The following RENBP variants were observed in gnomAD, a reference collection of about 807,000 sequenced individuals.
RENBP encodes renin binding protein, also known as N-acylglucosamine 2-epimerase.
Under a neutral mutation model 37.8 loss-of-function variants are expected in RENBP, and 16 were observed. The ratio of observed to expected loss-of-function variants is 0.42; its 90% CI spans 0.29 to 0.64. RENBP has a LOEUF of 0.64. RENBP is among the 30% of genes least tolerant of loss of function. The probability of loss-of-function intolerance (pLI) is 0.19; values close to 1 mark genes in which losing one functional copy is unlikely to be tolerated. For synonymous variants in RENBP, 170 were observed against 154.8 expected (o/e 1.10, Z -0.73); for missense variants, 347 against 379.5 (o/e 0.91, Z 0.71).
chrX:153,942,044 A>G lies in RENBP; in HGVS notation c.688-13T>C. 1.7e-6 allele frequency: 2 copies of G among 1,171,097 alleles called. No individual in the cohort carries two copies. Among genetic ancestry groups the G allele is most frequent in the Non-Finnish European group, 2.3e-6 (2 of 864,101 alleles). On this transcript the variant is annotated splice_polypyrimidine_tract_variant and intron_variant, in intron 6 of 10. Coordinates refer to ENST00000393700, the MANE Select transcript of RENBP (RefSeq NM_002910.6). ...CTTGTCCATCCCTCTACCGGGAAGGAGCAGAAGGGAATGTTGCCTCCAGCC... is the reference window on the plus strand; with the variant it reads ...CTTGTCCATCCCTCTACCGGGAAGGGGCAGAAGGGAATGTTGCCTCCAGCC...
In RENBP at chrX:153,935,409, G is replaced by A; in HGVS notation, c.1166-5C>T. On this transcript the variant is annotated splice_region_variant and splice_polypyrimidine_tract_variant and intron_variant, in intron 10 of 10. Coordinates refer to ENST00000393700, the MANE Select transcript of RENBP (RefSeq NM_002910.6). Reference sequence around the variant, plus strand: ...ACCGCGGCACGTGGAAGCAGCCTGCGGGTAGAGGCGGGCAGGTAGTGAGGG... The same window carrying A: ...ACCGCGGCACGTGGAAGCAGCCTGCAGGTAGAGGCGGGCAGGTAGTGAGGG... The A allele has an allele frequency of 8.7e-7, 1 of 1,142,889 alleles. No homozygotes were observed. Among genetic ancestry groups the A allele is most frequent in the East Asian group, 3.1e-5 (1 of 32,563 alleles). The allele number at this position is 1,142,889 out of a possible 1,213,427, so 94.2% of individuals were successfully genotyped here.
Position 153,942,012 on chromosome X carries a change from A to C in RENBP, c.707T>G (p.Leu236Arg), listed in dbSNP as rs1603292195. Residue 236 changes from leucine to arginine, a missense_variant, in exon 7 of 11, where the codon CTG becomes CGG. Transcript: ENST00000393700. ...QHVQRDGQAV[L>R]ENVSEGGKEL... is the part of the protein sequence containing the mutation. The stretch of plus-strand genomic sequence containing the variant: ...CTTGCCACCCTCTGACACATTCTCC[A>C]GCACAGCTTGTCCATCCCTCTACCG... 8.4e-7 allele frequency: 1 copy of C among 1,185,472 alleles called. No homozygotes were observed. Among genetic ancestry groups the C allele is most frequent in the Non-Finnish European group, 1.1e-6 (1 of 883,950 alleles).
In RENBP at chrX:153,935,470, C is replaced by T. The variant is rs1278253415; in HGVS notation, c.1165+19G>A. Reference sequence around the variant, plus strand: ...CCGAGAGGCGCAACCCCTGCGGCCCCGCCCTCTCCCCCACTCACCTTTGAA... The same window carrying T: ...CCGAGAGGCGCAACCCCTGCGGCCCTGCCCTCTCCCCCACTCACCTTTGAA... On this transcript the variant is annotated intron_variant, in intron 10 of 10. Transcript: ENST00000393700. 43 of 1,183,953 alleles carry T rather than the reference C, an allele frequency of 3.6e-5. No individual in the cohort carries two copies. The highest frequency in any genetic ancestry group is 4.3e-5 in the Non-Finnish European group (38 of 873,807).
chrX:153,939,759 C>T (rs1298319996), intron 9 of RENBP, among the ~76,000 whole-genome samples: 1 of 109,987 alleles, frequency 9.1e-6, no homozygotes, highest in Non-Finnish European at 1.9e-5. Context: ...GTCCCTCAGA[C>T]ACACCCCTGA....
rs782345922 is a variant in RENBP, at chrX:153,943,733, G to A, written c.290-15C>T. ...GAACTCACCACCTGGAGGTTGGGGG[G>A]TTGGCATGCCAGGGGTAAGGCCAGG... is the stretch of plus-strand genomic sequence containing the variant. On this transcript the variant is annotated splice_polypyrimidine_tract_variant and intron_variant, in intron 4 of 10. Coordinates refer to ENST00000393700, the MANE Select transcript of RENBP (RefSeq NM_002910.6). 7.5e-6 allele frequency: 9 copies of A among 1,204,841 alleles called. No homozygotes were observed. The East Asian group carries it at 1.2e-4, about 16-fold the overall frequency.
At chrX:153,936,416 G>T (rs1426636826) in intron 9 of RENBP, among the ~76,000 whole-genome samples, 2 of 102,512 alleles carry the variant, frequency 2.0e-5, no homozygotes, top group African/African-American at 7.3e-5. Context: ...TGAGGCAGGA[G>T]AATGGCGTGA....
Position 153,944,115 on chromosome X carries a change from C to G in RENBP, c.178G>C (p.Asp60His). Residue 60 changes from aspartate to histidine, a missense_variant, in exon 3 of 11, where the codon GAT becomes CAT. Asp to His is a moderately conservative substitution (Grantham distance 81). Transcript: ENST00000393700. ...TGCAGCCACACATACTTGAGGTCATCATACACCCGCCCCTCGCGGCCAAGG... is the reference window on the plus strand; with the variant it reads ...TGCAGCCACACATACTTGAGGTCATGATACACCCGCCCCTCGCGGCCAAGG... ...TCLGREGRVY[D>H]DLKYVWLQGR... 3 of 1,211,054 alleles carry G rather than the reference C, an allele frequency of 2.5e-6. No individual in the cohort carries two copies. The highest frequency in any genetic ancestry group is 3.4e-6 in the Non-Finnish European group (3 of 895,210).
chrX:153,943,133 T>A, intron 5 of RENBP, 54 bp from the exon 6 acceptor site: 1 of 918,090 alleles, frequency 1.1e-6, no homozygotes, highest in Non-Finnish European at 1.5e-6. Context: ...TCCTGTGCCA[T>A]CCCCCTGGAC....
Position 153,941,925 on chromosome X carries a change from GCCCCCA to G in RENBP, c.769+19_769+24del. The G allele has an allele frequency of 1.4e-6, 1 of 708,490 alleles. No individual in the cohort carries two copies. Among genetic ancestry groups the G allele is most frequent in the Non-Finnish European group, 2.3e-6 (1 of 437,774 alleles). 58.4% of individuals were successfully genotyped at this position (708,490 alleles called of 1,213,427 possible). ...CTCAGCGCTCCCCTCCTCCTGGGTG[GCCCCCA>G]GCCCACCCCGCCCCTCACCTGGGTT... On this transcript the variant is annotated intron_variant, in intron 7 of 10. Coordinates refer to ENST00000393700, the MANE Select transcript of RENBP (RefSeq NM_002910.6).
At chrX:153,936,663 T>G (rs966695878) in intron 9 of RENBP, among the ~76,000 whole-genome samples, 3 of 111,030 alleles carry the variant, frequency 2.7e-5, no homozygotes, top group African/African-American at 9.9e-5. Context: ...CTGACTCCTG[T>G]CCTGGCTCAC....
Position 153,935,350 on chromosome X carries a change from A to C in RENBP, c.1220T>G (p.Leu407Arg). Residue 407 changes from leucine (L) to arginine (R), a missense_variant, in exon 11 of 11, where the codon CTG becomes CGG. Transcript: ENST00000393700. Reference protein sequence around the residue: ...LAMCEEMLGALLSRPAPAPSP... With the variant: ...LAMCEEMLGARLSRPAPAPSP... ...GGGGGCGGGGGCGGGGCGGCTCAGC[A>C]GGGCGCCCAGCATCTCCTCGCACAT... 9.1e-7 allele frequency: 1 copy of C among 1,098,855 alleles called. No homozygotes were observed. 90.6% of individuals were successfully genotyped at this position (1,098,855 alleles called of 1,213,427 possible).
In RENBP at chrX:153,935,580, G is replaced by C; in HGVS notation, c.1078-4C>G. The C allele has an allele frequency of 8.3e-7, 1 of 1,200,540 alleles. No individual in the cohort carries two copies. The highest frequency in any genetic ancestry group is 1.1e-6 in the Non-Finnish European group (1 of 886,077). On this transcript the variant is annotated splice_polypyrimidine_tract_variant and splice_region_variant and intron_variant, in intron 9 of 10. Coordinates refer to ENST00000393700, the MANE Select transcript of RENBP (RefSeq NM_002910.6). ...CCCCGTACTCGGGATCGCGAAACTG[G>C]AATAACAGAGACAGTGACAGCTAGC...
Position 153,941,950 on chromosome X carries a change from C to CCCCAGGG in RENBP, c.768_769insCCCTGGG (p.Gly257ProfsTer30). 1.8e-6 allele frequency: 2 copies of CCCCAGGG among 1,130,618 alleles called. No individual in the cohort carries two copies. The highest frequency in any genetic ancestry group is 2.4e-6 in the Non-Finnish European group (2 of 823,188). 93.2% of individuals were successfully genotyped at this position (1,130,618 alleles called of 1,213,427 possible). Reference sequence around the variant, plus strand: ...GCCCCCAGCCCACCCCGCCCCTCACCTGGGTTCTGCTGTCTCCCCAGGCAG... The same window carrying CCCCAGGG: ...GCCCCCAGCCCACCCCGCCCCTCACCCCCAGGGTGGGTTCTGCTGTCTCCCCAGGCAG... On this transcript the variant is annotated frameshift_variant and splice_region_variant, in exon 7 of 11. Coordinates refer to ENST00000393700, the MANE Select transcript of RENBP (RefSeq NM_002910.6). LOFTEE classifies it high-confidence loss of function.
chrX:153,942,985 G>C lies in RENBP; in HGVS notation c.557C>G (p.Ala186Gly), dbSNP rs782310454. The change falls in exon 6 of 11, where the codon GCG becomes GGG. Residue 186 changes from alanine to glycine, a missense_variant. Physicochemically the swap from Ala to Gly is moderately conservative, Grantham distance 60. Transcript: ENST00000393700. Reference sequence around the variant, plus strand: ...CATCATGGGCACCGCCATGGGCTCCGCAGCCGGGGCCCCCTGGAGCTGGGG... The same window carrying C: ...CATCATGGGCACCGCCATGGGCTCCCCAGCCGGGGCCCCCTGGAGCTGGGG... ...GRPQLQGAPA[A>G]EPMAVPMMLL... is the part of the protein sequence containing the mutation. 37 of 1,208,228 alleles carry C rather than the reference G, an allele frequency of 3.1e-5. No homozygotes were observed. The highest frequency in any genetic ancestry group is 1.0e-4 in the African/African-American group (6 of 57,536).
At chrX:153,936,935 G>A (rs782805300) in intron 9 of RENBP, among the ~76,000 whole-genome samples, 84 of 111,887 alleles carry the variant, frequency 7.5e-4, no homozygotes, top group Non-Finnish European at 1.4e-3. Flanking sequence ...AGTGGCTCAC[G>A]CCTATAATCC....
Position 153,935,579 on chromosome X carries a change from G to A in RENBP, c.1078-3C>T. 3 of 1,203,413 alleles carry A rather than the reference G, an allele frequency of 2.5e-6. No individual in the cohort carries two copies. Among genetic ancestry groups the A allele is most frequent in the Non-Finnish European group, 3.4e-6 (3 of 888,574 alleles). On this transcript the variant is annotated splice_polypyrimidine_tract_variant and splice_region_variant and intron_variant, in intron 9 of 10. Transcript: ENST00000393700. Reference sequence around the variant, plus strand: ...TCCCCGTACTCGGGATCGCGAAACTGGAATAACAGAGACAGTGACAGCTAG... The same window carrying A: ...TCCCCGTACTCGGGATCGCGAAACTAGAATAACAGAGACAGTGACAGCTAG...
Position 153,943,645 on chromosome X carries a change from G to A in RENBP, c.363C>T (p.Asp121=), listed in dbSNP as rs1286190732. The stretch of plus-strand genomic sequence containing the variant: ...TTCGCTGCACCTTGACCGGGCGGCC[G>A]TCCCGAGTCAGCACAAAGGCACACT... ...GKKCAFVLTR[D]GRPVKVQRTI... Residue 121 remains aspartate, a synonymous_variant, in exon 5 of 11, where the codon GAC becomes GAT. Coordinates refer to ENST00000393700, the MANE Select transcript of RENBP (RefSeq NM_002910.6). 7 of 1,209,950 alleles carry A rather than the reference G, an allele frequency of 5.8e-6. No homozygotes were observed. Among genetic ancestry groups the A allele is most frequent in the South Asian group, 3.5e-5 (2 of 56,904 alleles).
Position 153,941,945 on chromosome X carries a change from C to CCCCCA in RENBP, c.769+4_769+5insTGGGG. The CCCCCA allele has an allele frequency of 9.2e-7, 1 of 1,086,515 alleles. No individual in the cohort carries two copies. Among genetic ancestry groups the CCCCCA allele is most frequent in the Non-Finnish European group, 1.3e-6 (1 of 782,497 alleles). The allele number at this position is 1,086,515 out of a possible 1,213,427, so 89.5% of individuals were successfully genotyped here. A position where few individuals can be genotyped will look rare whatever the true frequency, so the allele number is the denominator to read the frequency against. On this transcript the variant is annotated splice_donor_region_variant and intron_variant, in intron 7 of 10. Transcript: ENST00000393700. Reference sequence around the variant, plus strand: ...GGGTGGCCCCCAGCCCACCCCGCCCCTCACCTGGGTTCTGCTGTCTCCCCA... The same window carrying CCCCCA: ...GGGTGGCCCCCAGCCCACCCCGCCCCCCCCATCACCTGGGTTCTGCTGTCTCCCCA...
rs782052502 is a variant in RENBP, at chrX:153,941,608, C to T, written c.815G>A (p.Arg272Gln). Reference protein sequence around the residue: ...AGWFLLRHCIRKGDPELRAHV... With the variant: ...AGWFLLRHCIQKGDPELRAHV... ...GGCTCGAAGTTCGGGGTCGCCTTTC[C>T]GAATGCAATGACGGAGCAGAAACCA... Residue 272 changes from arginine (R) to glutamine (Q), a missense_variant, in exon 8 of 11, where the codon CGG (arginine) becomes CAG (glutamine). Coordinates refer to ENST00000393700, the MANE Select transcript of RENBP (RefSeq NM_002910.6). The T allele has an allele frequency of 1.2e-5, 14 of 1,200,568 alleles. No homozygotes were observed. Among genetic ancestry groups the T allele is most frequent in the African/African-American group, 3.7e-5 (2 of 54,237 alleles).
Sources: gnomAD v4.1 joint callset for allele counts (sites outside exome capture counted in the v4.1 genomes callset) on GRCh38, gnomAD v4.1.1 for gene constraint, MANE v1.5 for transcripts, NCBI Gene and HGNC (gene_info 2026-07-23, HGNC 2026-07-21) for gene names.